Variants in ZFP90 observed in about 807,000 individuals in gnomAD.
The protein encoded by ZFP90 is zinc finger protein 90 homolog.
ZFP90 carries 38 observed loss-of-function variants against 60.8 expected under a neutral mutation model. The ratio of observed to expected loss-of-function variants is 0.62; its 90% CI spans 0.48 to 0.82. The LOEUF is 0.82. Among genes scored for constraint, ZFP90 ranks in the 40% least tolerant of loss-of-function variants. The pLI, the probability that ZFP90 is intolerant of heterozygous loss-of-function variation, is 0.00. For synonymous variants in ZFP90, 287 were observed against 264.8 expected (o/e 1.08, Z -0.82); for missense variants, 711 against 759.1 (o/e 0.94, Z 0.74).
intron 2 of ZFP90, among the ~76,000 whole-genome samples, chr16:68,546,664 A>C (rs1303976997): frequency 6.6e-6 from 1 of 152,300 alleles, no homozygotes; most frequent in African/African-American, 2.4e-5. Context: ...GGCATGCGCC[A>C]CCACGCCCAG....
At chr16:68,547,771 A>G (rs554853035) in intron 2 of ZFP90, among the ~76,000 whole-genome samples, 1 of 152,066 alleles carries the variant, frequency 6.6e-6, no homozygotes, top group Non-Finnish European at 1.5e-5. Context: ...ACTATTATAC[A>G]TAATGCTGGG....
At chr16:68,556,008 G>A (rs955247227) in intron 2 of ZFP90, among the ~76,000 whole-genome samples, 1 of 152,176 alleles carries the variant, frequency 6.6e-6, no homozygotes, top group Non-Finnish European at 1.5e-5. Flanking sequence ...TGAGACAGAA[G>A]TCTAACCAGG....
chr16:68,552,956 A>G (rs1261043915), intron 2 of ZFP90, among the ~76,000 whole-genome samples: 1 of 152,068 alleles, frequency 6.6e-6, no homozygotes, highest in Non-Finnish European at 1.5e-5. Flanking sequence ...GGAGGTTGAA[A>G]TGGGAAAATT....
chr16:68,543,255 G>A (rs1023840278), intron 2 of ZFP90, among the ~76,000 whole-genome samples: 2 of 152,114 alleles, frequency 1.3e-5, no homozygotes, highest in Non-Finnish European at 2.9e-5. Flanking sequence ...GGTGATTTGG[G>A]GCAGGGAACT....
At chr16:68,569,283 C>G (rs940035899), downstream of ZFP90, among the ~76,000 whole-genome samples, 1 of 151,978 alleles carries the variant, frequency 6.6e-6, no homozygotes, top group Admixed American at 6.6e-5. Context: ...ACTACAGGCA[C>G]GTACCACCAT....
At chr16:68,539,619 G>A in intron 1 of ZFP90, 139 bp from the exon 2 acceptor site, 1 of 636,778 alleles carries the variant, frequency 1.6e-6, no homozygotes, top group Non-Finnish European at 2.5e-6. Context: ...GGGATGGGGA[G>A]CGGCAGGCCC....
intron 2 of ZFP90, among the ~76,000 whole-genome samples, chr16:68,544,014 G>A (rs189782099): frequency 1.3e-5 from 2 of 151,874 alleles, no homozygotes; most frequent in African/African-American, 4.8e-5. Flanking sequence ...CACCACGCCC[G>A]GCTAATTTTT....
rs750882086 is a variant in ZFP90, at chr16:68,564,425, C to T, written c.1638C>T (p.Thr546=). ...RRSSLTQHER[T]HTGEKPYECI... Reference sequence around the variant, plus strand: ...CATCGCTTACTCAACATGAGAGAACCCACACTGGAGAGAAACCCTATGAAT... The same window carrying T: ...CATCGCTTACTCAACATGAGAGAACTCACACTGGAGAGAAACCCTATGAAT... The change falls in exon 5 of 5, where the codon ACC becomes ACT. Residue 546 remains threonine (T), a synonymous_variant. Coordinates refer to ENST00000563169, the MANE Select transcript of ZFP90 (RefSeq NM_001305203.2). 5.0e-6 allele frequency: 8 copies of T among 1,608,698 alleles called. No individual in the cohort carries two copies. The highest frequency in any genetic ancestry group is 1.3e-5 in the African/African-American group (1 of 74,338).
chr16:68,537,131 C>CT (rs34680664), upstream of ZFP90, among the ~76,000 whole-genome samples: 39 of 146,100 alleles, frequency 2.7e-4, no homozygotes, highest in South Asian at 2.4e-3. Flanking sequence ...TGTTGTTGGG[C>CT]TTTTTTTTTT....
At chr16:68,540,911 CT>C (rs34827177) in intron 2 of ZFP90, among the ~76,000 whole-genome samples, 140 of 125,720 alleles carry the variant, frequency 1.1e-3, no homozygotes, top group African/African-American at 1.8e-3. Flanking sequence ...TACATCATGC[CT>C]TTTTTTTTTT....
chr16:68,565,423 G>A lies in ZFP90; in HGVS notation c.*725G>A. ...TTGGACACTTTGAGAATTCTTAAAA[G>A]TATAAGTGGGAGCAAAATGTATGCA... On this transcript the variant is annotated 3_prime_UTR_variant, in exon 5 of 5. Transcript: ENST00000563169. 1 of 985,536 alleles carries A rather than the reference G, an allele frequency of 1.0e-6. No individual in the cohort carries two copies. The highest frequency in any genetic ancestry group is 1.7e-5 in the African/African-American group (1 of 57,382). 61.0% of individuals were successfully genotyped at this position (985,536 alleles called of 1,614,324 possible).
At chr16:68,541,406 T>C (rs864742) in intron 2 of ZFP90, among the ~76,000 whole-genome samples, 115,956 of 151,432 alleles carry the variant, frequency 0.77, 44,476 homozygotes, top group East Asian at 0.82. Context: ...GCTCAAGTGA[T>C]GTGCTCGCTT....
intron 4 of ZFP90, among the ~76,000 whole-genome samples, chr16:68,559,941 T>A (rs1645937): frequency 1.3e-5 from 2 of 151,742 alleles, no homozygotes; most frequent in East Asian, 3.9e-4. Context: ...CTATCACAGC[T>A]CCCTGCAGCC....
chr16:68,550,100 A>G (rs1199538853), intron 2 of ZFP90, among the ~76,000 whole-genome samples: 1 of 152,180 alleles, frequency 6.6e-6, no homozygotes, highest in African/African-American at 2.4e-5. Flanking sequence ...GCTACAATAT[A>G]AAAAGAAACA....
At chr16:68,540,628 T>C (rs2091025383) in intron 2 of ZFP90, among the ~76,000 whole-genome samples, 1 of 151,928 alleles carries the variant, frequency 6.6e-6, no homozygotes, top group South Asian at 2.1e-4. Context: ...TAAGGGAAAA[T>C]GACAGATTGT....
intron 2 of ZFP90, among the ~76,000 whole-genome samples, chr16:68,547,830 A>AAC (rs138044678): frequency 2.8e-5 from 4 of 145,016 alleles, no homozygotes; most frequent in African/African-American, 5.1e-5. Context: ...AATACAGTTG[A>AAC]TCTCTCTTTT....
intron 2 of ZFP90, among the ~76,000 whole-genome samples, chr16:68,548,836 C>T (rs1177094571): frequency 6.6e-6 from 1 of 152,146 alleles, no homozygotes; most frequent in Non-Finnish European, 1.5e-5. Flanking sequence ...TCTTCTTACT[C>T]GATTTATCAG....
At chr16:68,543,070 A>T (rs1435333488) in intron 2 of ZFP90, among the ~76,000 whole-genome samples, 3 of 152,146 alleles carry the variant, frequency 2.0e-5, no homozygotes, top group African/African-American at 4.8e-5. Flanking sequence ...ATTTAAAATG[A>T]TGTGGTCAGG....
At chr16:68,568,258 TTTAAG>T (rs781546071), downstream of ZFP90, among the ~76,000 whole-genome samples, 1 of 152,190 alleles carries the variant, frequency 6.6e-6, no homozygotes, top group Non-Finnish European at 1.5e-5. Context: ...GATATAGTGT[TTTAAG>T]TGAGCAATTG....
Sources: allele counts gnomAD v4.1 joint callset (sites outside exome capture counted in the v4.1 genomes callset), GRCh38; gene constraint gnomAD v4.1.1; transcripts MANE v1.5; gene names NCBI Gene and HGNC (gene_info 2026-07-23, HGNC 2026-07-21).